The following COL4A3 variants were observed in gnomAD, a reference collection of about 807,000 sequenced individuals.
The protein encoded by COL4A3 is collagen type IV alpha 3 chain, also known as collagen alpha-3(IV) chain.
Under a neutral mutation model 217.4 loss-of-function variants are expected in COL4A3, and 135 were observed. That is an observed-to-expected ratio of 0.62 (90% CI 0.54 to 0.72). The LOEUF is 0.72. Ranked by LOEUF, COL4A3 falls within the 30% of genes least tolerant of loss-of-function variation. The pLI is 0.00. For missense variants in COL4A3, 1,868 were observed against 2,119.9 expected (o/e 0.88, Z 2.33); for synonymous variants, 690 against 736.3 (o/e 0.94, Z 1.02).
chr2:227,204,083 T>C (rs954332545), intron 1 of COL4A3, among the ~76,000 whole-genome samples: 1 of 152,142 alleles, frequency 6.6e-6, no homozygotes, highest in African/African-American at 2.4e-5. Flanking sequence ...ACAGCACTAA[T>C]ATTAAGTGGC....
rs1437762263 is a variant in COL4A3, at chr2:227,309,330, A to G, written c.4755+12A>G. 1.3e-6 allele frequency: 2 copies of G among 1,594,784 alleles called. No homozygotes were observed. The highest frequency in any genetic ancestry group is 4.5e-5 in the East Asian group (2 of 44,792). ...TTTCATTCATCATGGTGAGGAGAAA[A>G]GGAACAGGAGGTTTAGGGTAAAGAC... On this transcript the variant is annotated intron_variant, in intron 50 of 51. Transcript: ENST00000396578.
rs906988740 is a variant in COL4A3, at chr2:227,240,010, T to A, written c.145-133T>A. 1.0e-5 allele frequency: 9 copies of A among 877,322 alleles called. No individual in the cohort carries two copies. The African/African-American group carries it at 1.2e-4, about 11-fold the overall frequency. 54.3% of individuals were successfully genotyped at this position (877,322 alleles called of 1,614,324 possible). A position where few individuals can be genotyped will look rare whatever the true frequency, so the allele number is the denominator to read the frequency against. On this transcript the variant is annotated intron_variant, in intron 2 of 51. Coordinates refer to ENST00000396578, the MANE Select transcript of COL4A3 (RefSeq NM_000091.5). ...TCACTCCTGAGTGCTAATTATGATT[T>A]TTTTAATCCAAGGAAAAAACATGCA...
chr2:227,246,761 C>T (rs1429972908), intron 7 of COL4A3, 23 bp downstream of exon 7: 3 of 1,587,214 alleles, frequency 1.9e-6, no homozygotes, highest in Non-Finnish European at 2.6e-6. Context: ...GCCTAATTCC[C>T]CAACAAAGAC....
At chr2:227,168,883 CT>C (rs199943455) in intron 1 of COL4A3, among the ~76,000 whole-genome samples, 7,454 of 150,756 alleles carry the variant, frequency 0.049, 231 homozygotes, top group Admixed American at 0.087. Flanking sequence ...TCTTTTTTTT[CT>C]TTTTTTTATT....
intron 8 of COL4A3, 101 bp downstream of exon 8, chr2:227,247,685 C>A: frequency 8.5e-7 from 1 of 1,173,438 alleles, no homozygotes; most frequent in Non-Finnish European, 1.3e-6. Context: ...AATAAGATTT[C>A]ATAATCCAGA....
chr2:227,279,692 C>A, intron 28 of COL4A3, 101 bp from the exon 29 acceptor site: 1 of 802,026 alleles, frequency 1.2e-6, no homozygotes, highest in Non-Finnish European at 2.0e-6. Flanking sequence ...TTTAAATTTT[C>A]ATAAAAGCAT....
At position 227,307,912 on chromosome 2, in the gene COL4A3, A is replaced by C. The variant is rs2073578998; in HGVS notation, c.4455A>C (p.Gln1485His). 5.0e-6 allele frequency: 8 copies of C among 1,613,812 alleles called. No homozygotes were observed. In the East Asian group the frequency reaches 1.8e-4, roughly 36 times the overall value. Residue 1485 changes from glutamine (Q) to histidine (H), a missense_variant, in exon 48 of 52, where the codon CAA becomes CAC. Coordinates refer to ENST00000396578, the MANE Select transcript of COL4A3 (RefSeq NM_000091.5). ...FVQGNQRAHGQDLGTLGSCLQ... is the reference protein window; with the variant it reads ...FVQGNQRAHGHDLGTLGSCLQ... ...AAGGAAATCAACGAGCCCACGGACA[A>C]GACCTTGGTAATGTCCCAGTCCCAG...
intron 26 of COL4A3, among the ~76,000 whole-genome samples, chr2:227,275,416 A>G (rs2071498073): frequency 6.6e-6 from 1 of 152,032 alleles, no homozygotes. Flanking sequence ...CCTGACCTCA[A>G]GTGATCCACC....
At chr2:227,262,707 T>TA (rs1297540396) in intron 20 of COL4A3, among the ~76,000 whole-genome samples, 3 of 152,194 alleles carry the variant, frequency 2.0e-5, no homozygotes, top group Admixed American at 1.3e-4. Flanking sequence ...TATTGGTGCA[T>TA]AAAAAATGCT....
chr2:227,194,250 A>G (rs1363707738), intron 1 of COL4A3, among the ~76,000 whole-genome samples: 1 of 152,196 alleles, frequency 6.6e-6, no homozygotes, highest in Non-Finnish European at 1.5e-5. Context: ...GACACTGTTT[A>G]CAAAGGTGAG....
In COL4A3 at chr2:227,267,037, C is replaced by A; in HGVS notation, c.1453C>A (p.Pro485Thr). 1.2e-6 allele frequency: 2 copies of A among 1,613,988 alleles called. No homozygotes were observed. The highest frequency in any genetic ancestry group is 4.5e-5 in the East Asian group (2 of 44,868). ...TACACAGTGCCCTTATATCCCAGGG[C>A]CTCCCGGTCTCCCAGGATTGCCAGG... is the stretch of plus-strand genomic sequence containing the variant. ...LCTQCPYIPGPPGLPGLPGLH... is the reference protein window; with the variant it reads ...LCTQCPYIPGTPGLPGLPGLH... Residue 485 changes from proline (P) to threonine (T), a missense_variant, in exon 23 of 52, where the codon CCT (proline) becomes ACT (threonine). Physicochemically the swap from Pro to Thr is conservative, Grantham distance 38. Coordinates refer to ENST00000396578, the MANE Select transcript of COL4A3 (RefSeq NM_000091.5).
rs2070529743 is a variant in COL4A3 at position 227,261,065 on chromosome 2, A to C, written c.1115-17A>C. 2 of 1,604,918 alleles carry C rather than the reference A, an allele frequency of 1.2e-6. No homozygotes were observed. The highest frequency in any genetic ancestry group is 2.7e-5 in the African/African-American group (2 of 74,696). ...TTATATCTTTCTAAGCAATTAATTA[A>C]TGTTATATATTCCCAGGTCCCAGTG... is the stretch of plus-strand genomic sequence containing the variant. On this transcript the variant is annotated splice_polypyrimidine_tract_variant and intron_variant, in intron 19 of 51. Transcript: ENST00000396578.
chr2:227,273,870 T>G (rs1403962622), intron 26 of COL4A3, among the ~76,000 whole-genome samples: 1 of 152,220 alleles, frequency 6.6e-6, no homozygotes, highest in Non-Finnish European at 1.5e-5. Context: ...TTCAGGAGTG[T>G]GGCTGAAGGT....
chr2:227,262,606 G>C (rs1042591693), intron 20 of COL4A3, among the ~76,000 whole-genome samples: 6 of 152,134 alleles, frequency 3.9e-5, no homozygotes, highest in African/African-American at 1.4e-4. Flanking sequence ...CTTTCACCTT[G>C]TTGGTTAAAT....
In COL4A3 at chr2:227,303,029, G is replaced by A. The variant is rs2106267296; in HGVS notation, c.3883-9G>A. The A allele has an allele frequency of 1.2e-6, 2 of 1,600,640 alleles. No homozygotes were observed. The highest frequency in any genetic ancestry group is 1.7e-6 in the Non-Finnish European group (2 of 1,167,790). On this transcript the variant is annotated splice_polypyrimidine_tract_variant and intron_variant, in intron 43 of 51. Coordinates refer to ENST00000396578, the MANE Select transcript of COL4A3 (RefSeq NM_000091.5). ...TGTTTTGGTTCTGCTCCCTTTATTT[G>A]AAATATAGGGAGCACCAGGTACTCC... is the stretch of plus-strand genomic sequence containing the variant.
chr2:227,202,880 CATATGT>C (rs199896785), intron 1 of COL4A3, among the ~76,000 whole-genome samples: 5 of 19,012 alleles, frequency 2.6e-4, no homozygotes, highest in African/African-American at 1.5e-3. Flanking sequence ...TGTATATATA[CATATGT>C]GTATATATGT....
intron 1 of COL4A3, among the ~76,000 whole-genome samples, chr2:227,178,238 C>T (rs531730713): frequency 2.6e-5 from 4 of 151,968 alleles, no homozygotes; most frequent in East Asian, 3.9e-4. Flanking sequence ...AAAAATTAGC[C>T]GGGCATGGTG....
At chr2:227,255,698 G>A (rs2070118169) in intron 15 of COL4A3, among the ~76,000 whole-genome samples, 1 of 151,994 alleles carries the variant, frequency 6.6e-6, no homozygotes, top group Non-Finnish European at 1.5e-5. Context: ...TTACTTCTCT[G>A]CCCAGTGTGT....
intron 1 of COL4A3, among the ~76,000 whole-genome samples, chr2:227,218,383 G>C (rs192274246): frequency 3.3e-5 from 5 of 151,994 alleles, no homozygotes; most frequent in Non-Finnish European, 7.4e-5. Flanking sequence ...GGAGAATGGC[G>C]TGAACCCGGG....
Sources: gnomAD v4.1 joint callset for allele counts (sites outside exome capture counted in the v4.1 genomes callset) on GRCh38, gnomAD v4.1.1 for gene constraint, MANE v1.5 for transcripts, NCBI Gene and HGNC (gene_info 2026-07-23, HGNC 2026-07-21) for gene names.